Variants in APOL3 observed in about 807,000 individuals in gnomAD.
The protein encoded by APOL3 is TNF-inducible protein CG12-1.
Under a neutral mutation model 11.6 loss-of-function variants are expected in APOL3, and 14 were observed. The ratio of observed to expected loss-of-function variants is 1.21; its 90% CI spans 0.80 to 1.89. The LOEUF (loss-of-function observed/expected upper bound fraction) is 1.89. APOL3 is among the 40% of genes most tolerant of loss of function. The pLI is 0.00. For synonymous variants in APOL3, 192 were observed against 190.6 expected (o/e 1.01, Z -0.06); for missense variants, 483 against 492.1 (o/e 0.98, Z 0.17).
At position 36,151,576 on chromosome 22, in the gene APOL3, A is replaced by C. The variant is rs892656693; in HGVS notation, c.224-5977T>G. Among the ~76,000 whole-genome samples, 4 of 152,224 alleles carry C rather than the reference A, an allele frequency of 2.6e-5. No homozygotes were observed. The South Asian group carries it at 6.2e-4, about 24-fold the overall frequency. On this transcript the variant is annotated intron_variant, in intron 1 of 2. Transcript: ENST00000349314. ...GGAAGCTTTCCAGAAAATCAACTAA[A>C]AGGATGACAGAAAAAGAAAAAAACA... is the stretch of plus-strand genomic sequence containing the variant.
chr22:36,141,083 A>G (rs1323969425), exon 3 of APOL3: 2 of 1,462,822 alleles, frequency 1.4e-6, no homozygotes, highest in East Asian at 2.3e-5. Context: ...TGCCAAAGTC[A>G]CTAACACTCA....
chr22:36,144,395 TG>T (rs2060110612), intron 2 of APOL3, among the ~76,000 whole-genome samples: 1 of 152,152 alleles, frequency 6.6e-6, no homozygotes, highest in Non-Finnish European at 1.5e-5. Context: ...TCTGACCTGC[TG>T]TTCATTCTCA....
In APOL3 at chr22:36,142,060, T is replaced by G. The variant is rs1161000916; in HGVS notation, c.351-2A>C. 4.4e-6 allele frequency: 7 copies of G among 1,600,522 alleles called. No individual in the cohort carries two copies. Among genetic ancestry groups the G allele is most frequent in the Non-Finnish European group, 6.0e-6 (7 of 1,174,078 alleles). On this transcript the variant is annotated splice_acceptor_variant, in intron 2 of 2. Transcript: ENST00000349314. LOFTEE classifies it high-confidence loss of function. ...TCGTAGAGAGCATCTGCCTCATCCC[T>G]GTACCAATAAAGGACAGATGATTAA...
chr22:36,151,102 C>T (rs1327853592), intron 1 of APOL3, among the ~76,000 whole-genome samples: 1 of 151,810 alleles, frequency 6.6e-6, no homozygotes, highest in East Asian at 1.9e-4. Flanking sequence ...ACGACCCATA[C>T]AGGATTCACA....
At chr22:36,143,245 C>T (rs550194962) in intron 2 of APOL3, among the ~76,000 whole-genome samples, 2 of 152,258 alleles carry the variant, frequency 1.3e-5, no homozygotes, top group African/African-American at 4.8e-5. Flanking sequence ...CCCACATTCA[C>T]ACAGGAGAAC....
At chr22:36,165,681 A>G (rs535192933), upstream of APOL3, 16 of 152,282 alleles carry the variant, frequency 1.1e-4, no homozygotes, top group Non-Finnish European at 2.2e-4. Flanking sequence ...CGAGGTCTCA[A>G]CCATGTCTGA....
chr22:36,145,637 G>A (rs1283485121), intron 1 of APOL3, 38 bp from the exon 3 acceptor site: 2 of 1,609,248 alleles, frequency 1.2e-6, no homozygotes, highest in Non-Finnish European at 1.7e-6. Flanking sequence ...GGAAGAAAGT[G>A]TGCTACAGCC....
chr22:36,141,445 C>T (rs779665532), exon 3 of APOL3: 16 of 1,614,060 alleles, frequency 9.9e-6, no homozygotes, highest in Non-Finnish European at 1.3e-5. Context: ...GTTCTCTCTG[C>T]TTGACCACCA....
chr22:36,149,728 G>C, intron 1 of APOL3: 1 of 404,162 alleles, frequency 2.5e-6, no homozygotes, highest in Non-Finnish European at 5.0e-6. Context: ...CCATGACTGG[G>C]CTCCACTCCC....
At chr22:36,157,957 G>A (rs190733659) in intron 1 of APOL3, among the ~76,000 whole-genome samples, 65 of 152,310 alleles carry the variant, frequency 4.3e-4, no homozygotes, top group Non-Finnish European at 7.1e-4. Flanking sequence ...GGCTGAGACA[G>A]GAGAATTGCT....
intron 1 of APOL3, chr22:36,155,988 C>G: frequency 3.5e-6 from 1 of 286,978 alleles, no homozygotes; most frequent in Non-Finnish European, 6.9e-6. Flanking sequence ...ATGCAGAGGA[C>G]AGAGACTCTC....
intron 1 of APOL3, among the ~76,000 whole-genome samples, chr22:36,151,073 G>A (rs1190143087): frequency 6.6e-6 from 1 of 152,108 alleles, no homozygotes; most frequent in African/African-American, 2.4e-5. Flanking sequence ...CTCAGAGAGG[G>A]GAGAAGTTCA....
At chr22:36,157,112 T>C in intron 1 of APOL3, 1 of 432,970 alleles carries the variant, frequency 2.3e-6, no homozygotes, top group Non-Finnish European at 4.7e-6. Context: ...TCCTCCCCAG[T>C]CTTATTACTT....
intron 2 of APOL3, among the ~76,000 whole-genome samples, chr22:36,144,084 C>T (rs1378047944): frequency 1.3e-5 from 2 of 152,126 alleles, no homozygotes; most frequent in African/African-American, 4.8e-5. Flanking sequence ...TGCCCCAGTT[C>T]CCAGGCATGC....
chr22:36,152,360 G>A (rs887854622), intron 1 of APOL3, among the ~76,000 whole-genome samples: 6 of 152,148 alleles, frequency 3.9e-5, no homozygotes, highest in East Asian at 3.8e-4. Flanking sequence ...GATTTAAAGC[G>A]TCACCAAAAT....
At chr22:36,164,231 C>T (rs1232328201), upstream of APOL3, among the ~76,000 whole-genome samples, 1 of 152,186 alleles carries the variant, frequency 6.6e-6, no homozygotes, top group Non-Finnish European at 1.5e-5. Flanking sequence ...TTACACCTTC[C>T]CTAGCAGAGG....
At chr22:36,163,680 C>T (rs2013788982), upstream of APOL3, among the ~76,000 whole-genome samples, 1 of 152,214 alleles carries the variant, frequency 6.6e-6, no homozygotes, top group Admixed American at 6.5e-5. Context: ...GGAGGCGGAG[C>T]CTCCATCTAA....
In APOL3 at chr22:36,149,041, C is replaced by A. The variant is rs772451670; in HGVS notation, c.224-3442G>T. ...CAGCCAGGGAAGAGGAAGAAGCAAG[C>A]CTACCTGAGTCCATGGTGCCAGCAG... On this transcript the variant is annotated intron_variant, in intron 1 of 2. Coordinates refer to ENST00000349314, the Ensembl canonical transcript of APOL3. 2 of 1,368,400 alleles carry A rather than the reference C, an allele frequency of 1.5e-6. No homozygotes were observed. Among genetic ancestry groups the A allele is most frequent in the South Asian group, 1.1e-5 (1 of 88,678 alleles). 84.8% of individuals were successfully genotyped at this position (1,368,400 alleles called of 1,614,324 possible).
At chr22:36,157,128 C>A in intron 1 of APOL3, 2 of 412,450 alleles carry the variant, frequency 4.8e-6, no homozygotes, top group Non-Finnish European at 9.8e-6. Flanking sequence ...TACTTTTGTA[C>A]GAGGAGAAAG....
Sources: allele counts gnomAD v4.1 joint callset (sites outside exome capture counted in the v4.1 genomes callset), GRCh38; gene constraint gnomAD v4.1.1; transcripts MANE v1.5; gene names NCBI Gene and HGNC (gene_info 2026-07-23, HGNC 2026-07-21).